TMEM117: variants seen among roughly 807,000 people sequenced by gnomAD.
The protein encoded by TMEM117 is transmembrane protein 117.
TMEM117 carries 27 observed loss-of-function variants against 52.4 expected under a neutral mutation model. The ratio of observed to expected loss-of-function variants is 0.51; its 90% CI spans 0.38 to 0.71. TMEM117 has a LOEUF of 0.71. TMEM117 is among the 30% of genes least tolerant of loss of function. The pLI is 0.00. For missense variants in TMEM117, 556 were observed against 630.5 expected (o/e 0.88, Z 1.26); for synonymous variants, 215 against 206.3 (o/e 1.04, Z -0.36).
rs764793795 is a variant in TMEM117 at position 43,932,273 on chromosome 12, CTT to C, written c.278-11936_278-11935del. Among the ~76,000 whole-genome samples, 119 of 149,412 alleles carry C rather than the reference CTT, an allele frequency of 8.0e-4. 2 individuals are homozygous for C. The highest frequency in any genetic ancestry group is 2.2e-3 in the Admixed American group (33 of 15,036). ...TCATATAATAATTTATATAAAATAA[CTT>C]ATATTTTTAATAAAAATTCTTTGGT... On this transcript the variant is annotated intron_variant, in intron 2 of 7. Coordinates refer to ENST00000266534, the MANE Select transcript of TMEM117 (RefSeq NM_032256.3).
chr12:44,016,786 C>T (rs1443212639), intron 3 of TMEM117, among the ~76,000 whole-genome samples: 1 of 152,130 alleles, frequency 6.6e-6, no homozygotes, highest in Non-Finnish European at 1.5e-5. Flanking sequence ...TACCCTGAGC[C>T]CCACAAACCA....
At chr12:44,049,347 T>A (rs1307702927) in intron 3 of TMEM117, among the ~76,000 whole-genome samples, 3 of 151,942 alleles carry the variant, frequency 2.0e-5, no homozygotes, top group Non-Finnish European at 4.4e-5. Context: ...TTCTCACTCA[T>A]AAGTGGGAGC....
chr12:43,799,870 T>A, the TMEM117 span, among the ~76,000 whole-genome samples: 1 of 152,106 alleles, frequency 6.6e-6, no homozygotes, highest in Admixed American at 6.5e-5. Flanking sequence ...TTCTGAATAC[T>A]ATGTTATAAT....
At chr12:44,068,438 C>A (rs1947254097) in intron 3 of TMEM117, among the ~76,000 whole-genome samples, 1 of 152,126 alleles carries the variant, frequency 6.6e-6, no homozygotes, top group Non-Finnish European at 1.5e-5. Context: ...GAAACTCTTC[C>A]CTTCACTTGA....
chr12:44,190,962 T>C (rs1949344499), intron 4 of TMEM117, among the ~76,000 whole-genome samples: 1 of 147,358 alleles, frequency 6.8e-6, no homozygotes, highest in Non-Finnish European at 1.5e-5. Context: ...CTAATATATA[T>C]TATATATATA....
the TMEM117 span, among the ~76,000 whole-genome samples, chr12:43,825,258 G>A: frequency 1.6e-4 from 24 of 152,230 alleles, no homozygotes; most frequent in Non-Finnish European, 3.2e-4. Context: ...TGGCGTAGAA[G>A]CAGCTATTTG....
chr12:44,398,541 C>A, the TMEM117 span, among the ~76,000 whole-genome samples: 1 of 152,248 alleles, frequency 6.6e-6, no homozygotes, highest in African/African-American at 2.4e-5. Flanking sequence ...GACAAGAGAC[C>A]AGGCTGTATT....
chr12:43,819,263 G>C, the TMEM117 span, among the ~76,000 whole-genome samples: 2 of 152,218 alleles, frequency 1.3e-5, no homozygotes, highest in African/African-American at 4.8e-5. Context: ...GAAAAAAAGA[G>C]TGAAGGCCTC....
chr12:44,232,822 C>A (rs1459432978), intron 5 of TMEM117, among the ~76,000 whole-genome samples: 2 of 151,166 alleles, frequency 1.3e-5, no homozygotes, highest in Non-Finnish European at 3.0e-5. Context: ...GTCTTCTTTA[C>A]TGTTTCTCAG....
intron 6 of TMEM117, among the ~76,000 whole-genome samples, chr12:44,354,569 A>G (rs901570254): frequency 5.9e-5 from 9 of 152,024 alleles, no homozygotes; most frequent in African/African-American, 1.9e-4. Flanking sequence ...GACAAAAACC[A>G]CATGATTATC....
chr12:44,257,267 C>T (rs73102964), intron 5 of TMEM117, among the ~76,000 whole-genome samples: 6,842 of 151,754 alleles, frequency 0.045, 175 homozygotes, highest in Middle Eastern at 0.15. Context: ...TGAGCGGAGC[C>T]GTAGGCATCT....
At chr12:43,973,309 A>G (rs1056153393) in intron 3 of TMEM117, among the ~76,000 whole-genome samples, 1 of 152,192 alleles carries the variant, frequency 6.6e-6, no homozygotes, top group African/African-American at 2.4e-5. Context: ...AATTCAGTCG[A>G]CTGAGAAGGA....
At chr12:44,169,119 T>C (rs1289135284) in intron 4 of TMEM117, among the ~76,000 whole-genome samples, 1 of 152,252 alleles carries the variant, frequency 6.6e-6, no homozygotes, top group East Asian at 1.9e-4. Context: ...ATATTTGGAT[T>C]ACTTTACCTT....
intron 3 of TMEM117, among the ~76,000 whole-genome samples, chr12:43,953,623 C>T (rs906144051): frequency 2.0e-5 from 3 of 152,044 alleles, no homozygotes; most frequent in Non-Finnish European, 2.9e-5. Flanking sequence ...TATATGCACC[C>T]AATACAGGAG....
chr12:43,927,698 A>G (rs747905060), intron 2 of TMEM117, among the ~76,000 whole-genome samples: 6 of 151,926 alleles, frequency 3.9e-5, no homozygotes, highest in African/African-American at 7.2e-5. Context: ...TTAACTTAAA[A>G]TCCATGTTGT....
chr12:44,331,055 A>G (rs948990492), intron 6 of TMEM117, among the ~76,000 whole-genome samples: 4 of 152,044 alleles, frequency 2.6e-5, no homozygotes, highest in Non-Finnish European at 5.9e-5. Context: ...ATATGTAAAC[A>G]AAGTGTAGAA....
chr12:44,282,541 G>A (rs916256818), intron 5 of TMEM117, among the ~76,000 whole-genome samples: 3 of 152,132 alleles, frequency 2.0e-5, no homozygotes, highest in Admixed American at 6.5e-5. Context: ...TTTTGCCCCT[G>A]CCCTAGAGAT....
intron 4 of TMEM117, among the ~76,000 whole-genome samples, chr12:44,160,448 A>C (rs1948883816): frequency 6.6e-6 from 1 of 152,182 alleles, no homozygotes; most frequent in African/African-American, 2.4e-5. Context: ...TTTATTAAAA[A>C]TTTGATTTGT....
At chr12:44,080,972 G>T (rs1376687137) in intron 3 of TMEM117, among the ~76,000 whole-genome samples, 1 of 151,226 alleles carries the variant, frequency 6.6e-6, no homozygotes, top group African/African-American at 2.5e-5. Flanking sequence ...TTCTGATTTT[G>T]ATACAAGATT....
Sources: gnomAD v4.1 joint callset for allele counts (sites outside exome capture counted in the v4.1 genomes callset) on GRCh38, gnomAD v4.1.1 for gene constraint, MANE v1.5 for transcripts, NCBI Gene and HGNC (gene_info 2026-07-23, HGNC 2026-07-21) for gene names.